Variants in PARD3B observed in about 807,000 individuals in gnomAD.
The protein encoded by PARD3B is partitioning defective 3 homolog B.
A neutral mutation model predicts 130.2 loss-of-function variants in PARD3B; 103 were observed. The observed-to-expected ratio is 0.79, with a 90% CI of 0.67 to 0.93. The LOEUF (loss-of-function observed/expected upper bound fraction) is 0.93, where lower values mean the gene tolerates loss of function less well. PARD3B is among the 40% of genes least tolerant of loss of function. The pLI is 0.00. For synonymous variants in PARD3B, 583 were observed against 553.2 expected (o/e 1.05, Z -0.76); for missense variants, 1,609 against 1,499.2 (o/e 1.07, Z -1.21).
intron 10 of PARD3B, among the ~76,000 whole-genome samples, chr2:205,134,477 A>G (rs1279640140): frequency 1.3e-4 from 3 of 22,880 alleles, no homozygotes; most frequent in Non-Finnish European, 2.6e-4. Flanking sequence ...GTGAACCAAG[A>G]TCATGCCACT....
chr2:205,607,239 GA>G (rs149442943), intron 22 of PARD3B, among the ~76,000 whole-genome samples: 28,208 of 143,410 alleles, frequency 0.2, 2,960 homozygotes, highest in Non-Finnish European at 0.26. Flanking sequence ...GTACCCATTG[GA>G]AAAAAAAAAA....
rs2031637608 is a variant in PARD3B at position 205,128,089 on chromosome 2, T to G, written c.1434+2352T>G. ...AACTCTCCAAAATCCTCAGTGGAAC[T>G]ATGTGCTTATTTCTGAGATAGGAGA... On this transcript the variant is annotated intron_variant, in intron 10 of 22. Coordinates refer to ENST00000406610, the MANE Select transcript of PARD3B (RefSeq NM_001302769.2). This position sits in a 1 kb window ranked among gnomAD's most constrained non-coding sequence, Gnocchi z 4.5. Among the ~76,000 whole-genome samples the G allele has an allele frequency of 6.6e-6, 1 of 152,236 alleles. No individual in the cohort carries two copies. The highest frequency in any genetic ancestry group is 2.4e-5 in the African/African-American group (1 of 41,466).
chr2:205,174,716 A>G (rs888089670), intron 12 of PARD3B, among the ~76,000 whole-genome samples: 1 of 152,222 alleles, frequency 6.6e-6, no homozygotes, highest in African/African-American at 2.4e-5. Flanking sequence ...GGTTGCTTGA[A>G]CATTATATTG....
chr2:205,298,376 C>T (rs779986997), intron 16 of PARD3B, among the ~76,000 whole-genome samples: 1 of 152,118 alleles, frequency 6.6e-6, no homozygotes, highest in Non-Finnish European at 1.5e-5. Flanking sequence ...TCTGTTTCTT[C>T]AACTTATCTT....
intron 20 of PARD3B, among the ~76,000 whole-genome samples, chr2:205,451,418 T>C (rs1267439155): frequency 6.6e-6 from 1 of 152,052 alleles, no homozygotes; most frequent in Admixed American, 6.5e-5. Flanking sequence ...GAGAAGTGAG[T>C]AGTGAGTGGC....
At chr2:205,419,775 C>T (rs1176243049) in intron 19 of PARD3B, among the ~76,000 whole-genome samples, 1 of 152,088 alleles carries the variant, frequency 6.6e-6, no homozygotes, top group Non-Finnish European at 1.5e-5. Context: ...ATAGTAGACT[C>T]TCAGAAATGT....
intron 2 of PARD3B, among the ~76,000 whole-genome samples, chr2:204,863,975 A>T (rs1014237887): frequency 2.0e-5 from 3 of 152,220 alleles, no homozygotes; most frequent in African/African-American, 2.4e-5. Flanking sequence ...ATTCCAAAAA[A>T]AAGTTTAAGT....
In PARD3B at chr2:204,694,658, G is replaced by A. The variant is rs558560500; in HGVS notation, c.222+8376G>A. On this transcript the variant is annotated intron_variant, in intron 2 of 22. Coordinates refer to ENST00000406610, the MANE Select transcript of PARD3B (RefSeq NM_001302769.2). ...CTCAGAGAAGAATTTTGGAATCAAT[G>A]CCTTTGTGACCTTACTATAGCTAAG... 1.4e-3 allele frequency among the ~76,000 whole-genome samples: 211 copies of A among 152,140 alleles called. 1 individual carries two copies. Among genetic ancestry groups the A allele is most frequent in the Non-Finnish European group, 2.0e-3 (134 of 67,964 alleles).
chr2:205,312,451 A>C (rs2042422681), intron 18 of PARD3B, among the ~76,000 whole-genome samples: 1 of 152,242 alleles, frequency 6.6e-6, no homozygotes. Flanking sequence ...CTTACAGATC[A>C]GGGTAAGACG....
In PARD3B at chr2:205,558,625, C is replaced by T. The variant is rs1036356665; in HGVS notation, c.3260+5222C>T. On this transcript the variant is annotated intron_variant, in intron 22 of 22. Transcript: ENST00000406610. The surrounding 1 kb of genome is among the most constrained non-coding windows in gnomAD (Gnocchi z 4.8). The stretch of plus-strand genomic sequence containing the variant: ...CAGGCTTCTGCCCACACCACTGATA[C>T]TTCCACCAGACTCTGCTTCCCGCCT... Among the ~76,000 whole-genome samples the T allele has an allele frequency of 7.2e-5, 11 of 152,198 alleles. No homozygotes were observed. Among genetic ancestry groups the T allele is most frequent in the African/African-American group, 1.2e-4 (5 of 41,448 alleles).
intron 20 of PARD3B, among the ~76,000 whole-genome samples, chr2:205,493,773 T>G (rs957544664): frequency 1.3e-5 from 2 of 151,138 alleles, no homozygotes; most frequent in Non-Finnish European, 2.9e-5. Context: ...TTTATTTATT[T>G]TTGAGGCAGA....
intron 16 of PARD3B, 23 bp downstream of exon 16, chr2:205,245,845 C>A: frequency 6.4e-7 from 1 of 1,551,680 alleles, no homozygotes; most frequent in Non-Finnish European, 8.9e-7. Flanking sequence ...TTGTAACTGA[C>A]TATATTCCTC....
At chr2:204,883,453 A>T (rs1386494148) in intron 2 of PARD3B, among the ~76,000 whole-genome samples, 13,338 of 97,906 alleles carry the variant, frequency 0.14, 1,338 homozygotes, top group African/African-American at 0.23. Flanking sequence ...ATATATATAT[A>T]TATTTTTTTT....
intron 2 of PARD3B, among the ~76,000 whole-genome samples, chr2:204,873,324 G>A (rs1231833088): frequency 6.6e-6 from 1 of 152,138 alleles, no homozygotes; most frequent in Non-Finnish European, 1.5e-5. Flanking sequence ...TATGGCGAAA[G>A]CTGTTTTTCC....
At chr2:205,375,479 C>T (rs1246898884) in intron 18 of PARD3B, among the ~76,000 whole-genome samples, 5 of 152,146 alleles carry the variant, frequency 3.3e-5, no homozygotes, top group African/African-American at 1.2e-4. Context: ...AGAGACCTTT[C>T]AGCAAGGTTT....
chr2:205,151,186 G>A (rs1028622431), intron 10 of PARD3B, among the ~76,000 whole-genome samples: 2 of 152,162 alleles, frequency 1.3e-5, no homozygotes, highest in African/African-American at 4.8e-5. Flanking sequence ...TTCCAACTAT[G>A]TGGTCAATTT....
At chr2:205,512,531 T>G (rs957178806) in intron 21 of PARD3B, among the ~76,000 whole-genome samples, 6 of 152,166 alleles carry the variant, frequency 3.9e-5, no homozygotes, top group Non-Finnish European at 8.8e-5. Context: ...AAGTCAAAGT[T>G]GCACATGAGA....
rs2048410401 is a variant in PARD3B, at chr2:205,460,393, G to A, written c.3044+19721G>A. ...ATTATCAAGACTAAGGATGTTGATA[G>A]TGATGATGATGATGATGATGATGAT... On this transcript the variant is annotated intron_variant, in intron 20 of 22. Transcript: ENST00000406610. The surrounding 1 kb of genome is among the most constrained non-coding windows in gnomAD (Gnocchi z 4.9). Among the ~76,000 whole-genome samples the A allele has an allele frequency of 6.8e-6, 1 of 147,888 alleles. No homozygotes were observed. The highest frequency in any genetic ancestry group is 2.2e-4 in the South Asian group (1 of 4,590).
At chr2:205,376,808 G>T (rs1310561023) in intron 18 of PARD3B, among the ~76,000 whole-genome samples, 1 of 152,186 alleles carries the variant, frequency 6.6e-6, no homozygotes, top group African/African-American at 2.4e-5. Context: ...TATGGGTGAG[G>T]TGGAGGGTCT....
Sources: allele counts gnomAD v4.1 joint callset (sites outside exome capture counted in the v4.1 genomes callset), GRCh38; gene constraint gnomAD v4.1.1; non-coding constraint Gnocchi (gnomAD v3.1); transcripts MANE v1.5; gene names NCBI Gene and HGNC (gene_info 2026-07-23, HGNC 2026-07-21).